Variants in ATXN1 observed in about 807,000 individuals in gnomAD.
The protein encoded by ATXN1 is ataxin-1.
ATXN1 carries 8 observed loss-of-function variants against 56.4 expected under a neutral mutation model. That is an observed-to-expected ratio of 0.14 (90% CI 0.08 to 0.26). The LOEUF (loss-of-function observed/expected upper bound fraction) is 0.26. Ranked by LOEUF, ATXN1 falls within the 10% of genes least tolerant of loss-of-function variation. ATXN1 has a pLI of 1.00. For missense variants in ATXN1, 987 were observed against 1,106.5 expected (o/e 0.89, Z 1.53); for synonymous variants, 514 against 494.6 (o/e 1.04, Z -0.52).
At chr6:16,527,756 A>G (rs1050524940) in intron 4 of ATXN1, among the ~76,000 whole-genome samples, 3 of 152,246 alleles carry the variant, frequency 2.0e-5, no homozygotes, top group African/African-American at 7.2e-5. Flanking sequence ...ATGGAGTCAG[A>G]GAGAGCATTT....
intron 6 of ATXN1, among the ~76,000 whole-genome samples, chr6:16,443,397 T>G (rs1482578980): frequency 6.6e-6 from 1 of 152,118 alleles, no homozygotes; most frequent in Non-Finnish European, 1.5e-5. Flanking sequence ...ATATAATTAT[T>G]GAACAAGAAT....
At chr6:16,685,941 A>G (rs535701774) in intron 2 of ATXN1, among the ~76,000 whole-genome samples, 49 of 152,348 alleles carry the variant, frequency 3.2e-4, no homozygotes, top group Non-Finnish European at 6.3e-4. Flanking sequence ...GACAAAAAGT[A>G]TAAGTAATAC....
intron 6 of ATXN1, among the ~76,000 whole-genome samples, chr6:16,439,331 C>G (rs1759456502): frequency 4.8e-5 from 2 of 42,004 alleles, no homozygotes; most frequent in South Asian, 2.2e-3. Flanking sequence ...CTAGAGACTT[C>G]TTTTCGCGGG....
intron 2 of ATXN1, among the ~76,000 whole-genome samples, chr6:16,745,344 CA>C (rs1760489118): frequency 6.6e-6 from 1 of 151,860 alleles, no homozygotes; most frequent in South Asian, 2.1e-4. Flanking sequence ...CTCGAATGTC[CA>C]AAAATGATAG....
chr6:16,324,764 T>C (rs985900080), intron 7 of ATXN1, among the ~76,000 whole-genome samples: 1 of 152,178 alleles, frequency 6.6e-6, no homozygotes, highest in African/African-American at 2.4e-5. Flanking sequence ...AAAGGGTAGA[T>C]TGAAGGAGCC....
chr6:16,605,350 C>T (rs886194593), intron 3 of ATXN1, among the ~76,000 whole-genome samples: 4 of 152,162 alleles, frequency 2.6e-5, no homozygotes, highest in East Asian at 1.9e-4. Context: ...ATGTAGACAC[C>T]GAGGCTTAAA....
chr6:16,413,384 A>T (rs2113554623), intron 6 of ATXN1, among the ~76,000 whole-genome samples: 1 of 152,108 alleles, frequency 6.6e-6, no homozygotes, highest in Non-Finnish European at 1.5e-5. Flanking sequence ...GTGCATTTGG[A>T]AGAAGATGCG....
Position 16,373,462 on chromosome 6 carries a change from A to G in ATXN1, c.-160-44992T>C, listed in dbSNP as rs1442008208. Among the ~76,000 whole-genome samples the G allele has an allele frequency of 2.0e-5, 3 of 152,324 alleles. No individual in the cohort carries two copies. In the East Asian group the frequency reaches 5.8e-4, roughly 29 times the overall value. On this transcript the variant is annotated intron_variant, in intron 6 of 7. Coordinates refer to ENST00000436367, the MANE Select transcript of ATXN1 (RefSeq NM_001128164.2). ...CACACGTGTCTTGGTGAAGGTATTC[A>G]GGCCACTCCAGGGGCCAGTCTGGAA...
chr6:16,721,945 C>T (rs1759753619), intron 2 of ATXN1, among the ~76,000 whole-genome samples: 1 of 152,156 alleles, frequency 6.6e-6, no homozygotes, highest in South Asian at 2.1e-4. Flanking sequence ...AATACAGTTC[C>T]TGGGGGAGCC....
At chr6:16,491,011 T>C in intron 5 of ATXN1, among the ~76,000 whole-genome samples, 1 of 151,516 alleles carries the variant, frequency 6.6e-6, no homozygotes, top group Admixed American at 6.6e-5. Flanking sequence ...AGAGAAAAGC[T>C]GAAAGACAGA....
At chr6:16,622,999 A>G (rs2113802808) in intron 3 of ATXN1, among the ~76,000 whole-genome samples, 1 of 152,344 alleles carries the variant, frequency 6.6e-6, no homozygotes, top group Admixed American at 6.5e-5. Flanking sequence ...ATATCAGGTT[A>G]CTGAAATGTA....
chr6:16,580,574 A>T (rs1294880724), intron 4 of ATXN1, among the ~76,000 whole-genome samples: 2 of 152,214 alleles, frequency 1.3e-5, no homozygotes, highest in East Asian at 3.8e-4. Flanking sequence ...TTAAGAGTAA[A>T]CACAGATGAT....
intron 3 of ATXN1, among the ~76,000 whole-genome samples, chr6:16,633,251 A>G (rs922965917): frequency 6.6e-6 from 1 of 152,216 alleles, no homozygotes; most frequent in African/African-American, 2.4e-5. Flanking sequence ...GATTTAAGGC[A>G]CTGCCATAAA....
intron 6 of ATXN1, among the ~76,000 whole-genome samples, chr6:16,447,298 T>A (rs1759655917): frequency 6.6e-6 from 1 of 152,190 alleles, no homozygotes; most frequent in Non-Finnish European, 1.5e-5. Context: ...GATCTCAGCA[T>A]ACTGCAACCT....
chr6:16,311,489 T>C (rs1760388760), intron 7 of ATXN1, among the ~76,000 whole-genome samples: 1 of 152,260 alleles, frequency 6.6e-6, no homozygotes, highest in South Asian at 2.1e-4. Flanking sequence ...GCTTGTTCCA[T>C]GGTACAGATA....
chr6:16,668,420 C>T (rs781354333), intron 2 of ATXN1, among the ~76,000 whole-genome samples: 1 of 142,566 alleles, frequency 7.0e-6, no homozygotes, highest in Non-Finnish European at 1.5e-5. Flanking sequence ...ATGTTTTTAA[C>T]GTTGATTTTA....
intron 6 of ATXN1, among the ~76,000 whole-genome samples, chr6:16,348,554 T>A (rs2113455939): frequency 6.6e-6 from 1 of 152,058 alleles, no homozygotes; most frequent in South Asian, 2.1e-4. Context: ...CAAAAAAAAT[T>A]AGCCGGGCTT....
intron 5 of ATXN1, among the ~76,000 whole-genome samples, chr6:16,497,130 G>A (rs1323403305): frequency 3.9e-5 from 6 of 152,218 alleles, no homozygotes; most frequent in Admixed American, 2.0e-4. Flanking sequence ...GAATGACTTC[G>A]TTATGGAAAT....
At chr6:16,647,841 T>C (rs2014559) in intron 3 of ATXN1, among the ~76,000 whole-genome samples, 86,630 of 151,936 alleles carry the variant, frequency 0.57, 24,832 homozygotes, top group Middle Eastern at 0.62. Context: ...TTTGGGAGGC[T>C]GAGACGGGTG....
Sources: allele counts gnomAD v4.1 joint callset (sites outside exome capture counted in the v4.1 genomes callset), GRCh38; gene constraint gnomAD v4.1.1; transcripts MANE v1.5; gene names NCBI Gene and HGNC (gene_info 2026-07-23, HGNC 2026-07-21).